Variants in GPHN observed in about 807,000 individuals in gnomAD.
GPHN encodes gephyrin.
GPHN carries 17 observed loss-of-function variants against 95.5 expected under a neutral mutation model. The observed-to-expected ratio is 0.18, with a 90% CI of 0.12 to 0.27. The LOEUF (loss-of-function observed/expected upper bound fraction) is 0.27, where lower values mean the gene tolerates loss of function less well. GPHN is among the 10% of genes least tolerant of loss of function. The pLI is 1.00. For missense variants in GPHN, 660 were observed against 978.1 expected (o/e 0.67, Z 4.34); for synonymous variants, 320 against 322.5 (o/e 0.99, Z 0.08).
At chr14:66,635,115 C>T (rs2064026668) in intron 1 of GPHN, among the ~76,000 whole-genome samples, 1 of 152,148 alleles carries the variant, frequency 6.6e-6, no homozygotes, top group South Asian at 2.1e-4. Context: ...CACATGTTCT[C>T]TTGAACATGG....
intron 2 of GPHN, among the ~76,000 whole-genome samples, chr14:66,767,672 G>C (rs2059014405): frequency 6.6e-6 from 1 of 151,890 alleles, no homozygotes; most frequent in South Asian, 2.1e-4. Context: ...AAACGGAATA[G>C]TTGCTACTCA....
the GPHN span, among the ~76,000 whole-genome samples, chr14:67,712,517 A>AAAAAAAAG: frequency 1.4e-5 from 2 of 142,992 alleles, no homozygotes; most frequent in Non-Finnish European, 1.5e-5. Context: ...AAAAAAAAAA[A>AAAAAAAAG]GACAAGGTTT....
intron 2 of GPHN, among the ~76,000 whole-genome samples, chr14:66,751,738 G>T (rs2058372022): frequency 6.6e-6 from 1 of 152,032 alleles, no homozygotes; most frequent in African/African-American, 2.4e-5. Context: ...GAAGACCCTA[G>T]TATTTTCAGA....
chr14:67,084,706 G>C (rs2076818242), intron 11 of GPHN, among the ~76,000 whole-genome samples: 1 of 152,166 alleles, frequency 6.6e-6, no homozygotes. Flanking sequence ...GAGCAAATCA[G>C]TCAGTGAACT....
chr14:67,594,053 A>AT, the GPHN span: 4 of 750,828 alleles, frequency 5.3e-6, no homozygotes, highest in East Asian at 1.1e-4. Flanking sequence ...AATTGCTTTT[A>AT]TTTGGGTTCT....
chr14:66,587,868 G>C (rs2061487015), intron 1 of GPHN, among the ~76,000 whole-genome samples: 1 of 152,150 alleles, frequency 6.6e-6, no homozygotes. Context: ...AGATCCCCCA[G>C]CACAGCATTC....
chr14:67,528,025 G>A, the GPHN span, among the ~76,000 whole-genome samples: 56 of 152,280 alleles, frequency 3.7e-4, no homozygotes, highest in African/African-American at 1.3e-3. Context: ...GTGGACACTC[G>A]GCAAGCACAT....
chr14:67,634,973 C>T, the GPHN span, among the ~76,000 whole-genome samples: 152 of 152,236 alleles, frequency 1.0e-3, 1 homozygote, highest in African/African-American at 3.5e-3. Flanking sequence ...GCTGGGCGCA[C>T]GGTGGCTCAC....
At chr14:67,702,249 A>G in the GPHN span, among the ~76,000 whole-genome samples, 2 of 152,124 alleles carry the variant, frequency 1.3e-5, no homozygotes, top group Non-Finnish European at 2.9e-5. Context: ...GATTACACAC[A>G]TGAGCCACCA....
chr14:66,783,706 T>A (rs927451993), intron 3 of GPHN, among the ~76,000 whole-genome samples: 6 of 152,158 alleles, frequency 3.9e-5, no homozygotes, highest in African/African-American at 9.7e-5. Flanking sequence ...CCCTACTTGG[T>A]ATCAACAGTG....
At chr14:67,502,846 T>C in the GPHN span, among the ~76,000 whole-genome samples, 4 of 152,132 alleles carry the variant, frequency 2.6e-5, no homozygotes, top group Admixed American at 2.6e-4. Flanking sequence ...ATTAAATACT[T>C]TCTGTGTGTA....
chr14:67,648,911 C>G, the GPHN span: 1 of 152,102 alleles, frequency 6.6e-6, no homozygotes, highest in African/African-American at 2.4e-5. Flanking sequence ...ATAGAGACCC[C>G]AGATTGAAAG....
chr14:66,610,682 A>T (rs77277739), intron 1 of GPHN, among the ~76,000 whole-genome samples: 2,003 of 152,276 alleles, frequency 0.013, 26 homozygotes, highest in Non-Finnish European at 0.018. Flanking sequence ...GACTTTATTT[A>T]GGGTCATTGC....
At chr14:67,347,551 G>C in the GPHN span, 1 of 1,034,168 alleles carries the variant, frequency 9.7e-7, no homozygotes, top group African/African-American at 1.7e-5. Context: ...GCCGAGGCTG[G>C]AATGCAATGG....
intron 1 of GPHN, among the ~76,000 whole-genome samples, chr14:66,615,707 G>T (rs1171939571): frequency 6.6e-6 from 1 of 151,918 alleles, no homozygotes; most frequent in Non-Finnish European, 1.5e-5. Flanking sequence ...CTGTGCAGAA[G>T]CTCTTTAGTT....
At chr14:67,725,066 G>A in the GPHN span, 11 of 1,613,358 alleles carry the variant, frequency 6.8e-6, no homozygotes, top group Middle Eastern at 1.3e-3. Flanking sequence ...CCTAGGATAT[G>A]AACATACTGC....
the GPHN span, chr14:67,359,829 A>C: frequency 3.9e-6 from 4 of 1,020,710 alleles, no homozygotes; most frequent in Non-Finnish European, 4.4e-6. Context: ...CTTGTTGCTA[A>C]GAGGCAGCAG....
At chr14:67,152,052 A>G (rs1053248052) in intron 18 of GPHN, among the ~76,000 whole-genome samples, 2 of 152,164 alleles carry the variant, frequency 1.3e-5, no homozygotes, top group Non-Finnish European at 2.9e-5. Flanking sequence ...TGGAATTGTT[A>G]AAGTTTAACT....
At chr14:66,825,508 GCTTGACCCCCCACCC>G (rs2061357228) in intron 4 of GPHN, among the ~76,000 whole-genome samples, 1 of 151,986 alleles carries the variant, frequency 6.6e-6, no homozygotes, top group Non-Finnish European at 1.5e-5. Context: ...AACACAAATT[GCTTGACCCCCCACCC>G]CTAGAGTTTC....
Sources: gnomAD v4.1 joint callset for allele counts (sites outside exome capture counted in the v4.1 genomes callset) on GRCh38, gnomAD v4.1.1 for gene constraint, MANE v1.5 for transcripts, NCBI Gene and HGNC (gene_info 2026-07-23, HGNC 2026-07-21) for gene names.